Variants in NINL observed in about 807,000 individuals in gnomAD.
The protein encoded by NINL is ninein like, also known as ninein-like protein.
Under a neutral mutation model 160.3 loss-of-function variants are expected in NINL, and 153 were observed. That is an observed-to-expected ratio of 0.95 (90% CI 0.84 to 1.09). The LOEUF (loss-of-function observed/expected upper bound fraction) is 1.09. Ranked by LOEUF, NINL falls within the 50% of genes least tolerant of loss-of-function variation. The pLI, the probability that NINL is intolerant of heterozygous loss-of-function variation, is 0.00. For missense variants in NINL, 1,829 were observed against 1,764.0 expected (o/e 1.04, Z -0.66); for synonymous variants, 800 against 734.8 (o/e 1.09, Z -1.43).
chr20:25,542,607 T>C (rs1300995381), intron 1 of NINL, among the ~76,000 whole-genome samples: 1 of 144,350 alleles, frequency 6.9e-6, no homozygotes, highest in Non-Finnish European at 1.5e-5. Context: ...AATAGAGAAT[T>C]CTGAAAGCAG....
intron 21 of NINL, among the ~76,000 whole-genome samples, chr20:25,459,305 C>G (rs1034546681): frequency 3.3e-5 from 5 of 152,064 alleles, no homozygotes; most frequent in African/African-American, 9.7e-5. Context: ...CTGCCAGGTC[C>G]GGCTTCCCTT....
At position 25,467,377 on chromosome 20, in the gene NINL, T is replaced by C. The variant is rs1365032669; in HGVS notation, c.3423+12A>G. On this transcript the variant is annotated intron_variant, in intron 19 of 23. Coordinates refer to ENST00000278886, the MANE Select transcript of NINL (RefSeq NM_025176.6). Reference sequence around the variant, plus strand: ...GGTGGCATGAGCTCCATGCCAGGCGTCGATACGTCACCTGTCTGTTGAGCA... The same window carrying C: ...GGTGGCATGAGCTCCATGCCAGGCGCCGATACGTCACCTGTCTGTTGAGCA... 6.2e-7 allele frequency: 1 copy of C among 1,602,382 alleles called. No individual in the cohort carries two copies. Among genetic ancestry groups the C allele is most frequent in the Non-Finnish European group, 8.6e-7 (1 of 1,169,246 alleles).
In NINL at chr20:25,453,457, A is replaced by G; in HGVS notation, c.4143T>C (p.Ser1381=). ...LVSRIAPAAL[S]V ...CCTAGAAAATAATCTGTCTTTACAC[A>G]GAGAGGGCTGCGGGGGCAATCCTAC... The change falls in exon 24 of 24, where the codon TCT becomes TCC. Residue 1381 remains serine, a synonymous_variant. Transcript: ENST00000278886. 1 of 1,605,172 alleles carries G rather than the reference A, an allele frequency of 6.2e-7. No homozygotes were observed. The highest frequency in any genetic ancestry group is 8.5e-7 in the Non-Finnish European group (1 of 1,176,550).
At chr20:25,529,692 T>C (rs767134953) in intron 1 of NINL, among the ~76,000 whole-genome samples, 1 of 152,026 alleles carries the variant, frequency 6.6e-6, no homozygotes, top group Non-Finnish European at 1.5e-5. Context: ...CAGAAAGAAC[T>C]AGCTGGGCGT....
At chr20:25,530,453 TTC>T (rs1347789935) in intron 1 of NINL, among the ~76,000 whole-genome samples, 2 of 152,136 alleles carry the variant, frequency 1.3e-5, no homozygotes, top group African/African-American at 4.8e-5. Flanking sequence ...ATCCAGGGTT[TTC>T]TCTTACATCA....
chr20:25,561,213 T>A (rs1452719313), intron 1 of NINL, among the ~76,000 whole-genome samples: 2 of 152,158 alleles, frequency 1.3e-5, no homozygotes, highest in Non-Finnish European at 2.9e-5. Flanking sequence ...GTTTTCCTAT[T>A]TTTTTGGTGG....
At chr20:25,569,481 G>T (rs1412221635) in intron 1 of NINL, among the ~76,000 whole-genome samples, 1 of 152,214 alleles carries the variant, frequency 6.6e-6, no homozygotes, top group African/African-American at 2.4e-5. Context: ...CAGCAGTAGG[G>T]TGGGATGCTG....
At chr20:25,564,029 AAAGC>A (rs2064973288) in intron 1 of NINL, among the ~76,000 whole-genome samples, 1 of 152,160 alleles carries the variant, frequency 6.6e-6, no homozygotes, top group South Asian at 2.1e-4. Flanking sequence ...CCCGAGCAAC[AAAGC>A]AAGACCTCAT....
chr20:25,477,031 G>C lies in NINL; in HGVS notation c.2260C>G (p.Arg754Gly). The change falls in exon 17 of 24, where the codon CGC (arginine) becomes GGC (glycine). Residue 754 changes from arginine to glycine, a missense_variant. Coordinates refer to ENST00000278886, the MANE Select transcript of NINL (RefSeq NM_025176.6). ...ELSGLGALPA[R>G]RDLTLELEEP... Reference sequence around the variant, plus strand: ...TCCAGCTCCAAGGTCAGGTCTCTGCGAGCGGGCAGGGCTCCCAGCCCCGAC... The same window carrying C: ...TCCAGCTCCAAGGTCAGGTCTCTGCCAGCGGGCAGGGCTCCCAGCCCCGAC... 1 of 1,599,420 alleles carries C rather than the reference G, an allele frequency of 6.3e-7. No homozygotes were observed.
At chr20:25,555,526 A>G (rs899908166) in intron 1 of NINL, among the ~76,000 whole-genome samples, 10 of 152,252 alleles carry the variant, frequency 6.6e-5, no homozygotes, top group Non-Finnish European at 1.3e-4. Context: ...GGCTCAAGGA[A>G]TATTTACAAA....
At chr20:25,559,860 G>A (rs2064913070) in intron 1 of NINL, among the ~76,000 whole-genome samples, 1 of 151,820 alleles carries the variant, frequency 6.6e-6, no homozygotes, top group South Asian at 2.1e-4. Flanking sequence ...TCCCCCTTCA[G>A]CCTCCCAAAC....
rs181525140 is a variant in NINL, at chr20:25,510,158, C to T, written c.517+516G>A. Among the ~76,000 whole-genome samples, 3 of 152,386 alleles carry T rather than the reference C, an allele frequency of 2.0e-5. No individual in the cohort carries two copies. The East Asian group carries it at 5.8e-4, about 29-fold the overall frequency. On this transcript the variant is annotated intron_variant, in intron 5 of 23. Transcript: ENST00000278886. ...TTGCTTATGTGTACCAGCTGCTGGCCTTCTGGCTGCTATGTAAGGCTCTGA... is the reference window on the plus strand; with the variant it reads ...TTGCTTATGTGTACCAGCTGCTGGCTTTCTGGCTGCTATGTAAGGCTCTGA...
chr20:25,489,822 T>C, intron 12 of NINL, 53 bp downstream of exon 12: 2 of 1,085,180 alleles, frequency 1.8e-6, no homozygotes. Flanking sequence ...CCACCCCCAC[T>C]CTGCCCAGCA....
At chr20:25,508,284 A>C (rs912382550) in intron 5 of NINL, among the ~76,000 whole-genome samples, 5 of 152,202 alleles carry the variant, frequency 3.3e-5, no homozygotes, top group African/African-American at 1.2e-4. Flanking sequence ...CCTCTATCCA[A>C]GCTATGTTTC....
intron 13 of NINL, among the ~76,000 whole-genome samples, chr20:25,484,639 G>A (rs929907492): frequency 6.6e-6 from 1 of 152,188 alleles, no homozygotes; most frequent in Non-Finnish European, 1.5e-5. Context: ...ACCAGTGATT[G>A]GTACATGTAT....
rs1022961631 is a variant in NINL at position 25,550,080 on chromosome 20, T to C, written c.-11-23482A>G. ...TCCAAACACTTTGGCTCACATTACG[T>C]TTACTTAAAGAAAAAAGGGGGTGGA... On this transcript the variant is annotated intron_variant, in intron 1 of 23. Coordinates refer to ENST00000278886, the MANE Select transcript of NINL (RefSeq NM_025176.6). Among the ~76,000 whole-genome samples the C allele has an allele frequency of 2.0e-5, 3 of 152,128 alleles. No individual in the cohort carries two copies. The South Asian group carries it at 6.2e-4, about 32-fold the overall frequency.
intron 2 of NINL, among the ~76,000 whole-genome samples, chr20:25,518,193 G>A (rs532817636): frequency 6.6e-5 from 10 of 152,316 alleles, no homozygotes; most frequent in South Asian, 6.2e-4. Flanking sequence ...AGGCGTCTCC[G>A]CCACGACCCT....
intron 13 of NINL, among the ~76,000 whole-genome samples, chr20:25,482,880 C>T (rs760045181): frequency 1.3e-5 from 2 of 151,566 alleles, no homozygotes; most frequent in Admixed American, 6.6e-5. Context: ...AAAAATTAGC[C>T]GGGCATGGTG....
chr20:25,502,756 T>C (rs1287395955), intron 7 of NINL, among the ~76,000 whole-genome samples: 2 of 152,158 alleles, frequency 1.3e-5, no homozygotes, highest in Non-Finnish European at 2.9e-5. Flanking sequence ...CTCGCTTTCT[T>C]GCTCCTGCTC....
Sources: gnomAD v4.1 joint callset for allele counts (sites outside exome capture counted in the v4.1 genomes callset) on GRCh38, gnomAD v4.1.1 for gene constraint, MANE v1.5 for transcripts, NCBI Gene and HGNC (gene_info 2026-07-23, HGNC 2026-07-21) for gene names.